The following NDUFAF6 variants were observed in gnomAD, a reference collection of about 807,000 sequenced individuals.
NDUFAF6 encodes NADH dehydrogenase (ubiquinone) complex I, assembly factor 6.
In NDUFAF6, 45 loss-of-function variants were observed where a neutral mutation model predicts 40.8. The observed-to-expected ratio is 1.10, with a 90% CI of 0.87 to 1.42. The LOEUF is 1.42. NDUFAF6 is among the 40% of genes most tolerant of loss of function. The probability of loss-of-function intolerance (pLI) is 0.00; values close to 1 mark genes in which losing one functional copy is unlikely to be tolerated. For missense variants in NDUFAF6, 435 were observed against 418.5 expected (o/e 1.04, Z -0.34); for synonymous variants, 185 against 155.9 (o/e 1.19, Z -1.39).
chr8:94,933,167 G>A (rs1160031700), intron 1 of NDUFAF6, among the ~76,000 whole-genome samples: 1 of 152,208 alleles, frequency 6.6e-6, no homozygotes, highest in Non-Finnish European at 1.5e-5. Flanking sequence ...AGTGAGCCGA[G>A]ATTGCGCCGC....
chr8:94,896,407 G>C (rs1030306685), intron 1 of NDUFAF6: 3 of 152,016 alleles, frequency 2.0e-5, no homozygotes, highest in Admixed American at 2.0e-4. Context: ...TTTAAACTTA[G>C]GGGTCCCTTC....
intron 1 of NDUFAF6, among the ~76,000 whole-genome samples, chr8:94,967,669 G>A (rs1057037943): frequency 6.6e-6 from 1 of 151,932 alleles, no homozygotes; most frequent in Non-Finnish European, 1.5e-5. Flanking sequence ...CCACGGGCGC[G>A]GTGGCTCACG....
exon 10 of NDUFAF6, chr8:95,076,066 G>A: frequency 6.1e-6 from 1 of 163,946 alleles, no homozygotes; most frequent in East Asian, 1.8e-4. Flanking sequence ...TTTTACATGA[G>A]GTCTCAATGG....
intron 2 of NDUFAF6, among the ~76,000 whole-genome samples, chr8:94,995,382 T>G (rs1826379435): frequency 6.6e-6 from 1 of 152,164 alleles, no homozygotes; most frequent in Non-Finnish European, 1.5e-5. Flanking sequence ...ATTCTAAAAA[T>G]CTCTTGCACA....
intron 1 of NDUFAF6, among the ~76,000 whole-genome samples, chr8:94,909,008 G>T (rs1818563195): frequency 1.3e-5 from 2 of 152,126 alleles, no homozygotes; most frequent in South Asian, 4.1e-4. Context: ...ATAAGAATTG[G>T]AAAGTTTATA....
At chr8:94,916,056 G>A (rs1215253035) in intron 1 of NDUFAF6, among the ~76,000 whole-genome samples, 1 of 152,140 alleles carries the variant, frequency 6.6e-6, no homozygotes, top group Admixed American at 6.5e-5. Flanking sequence ...ATGAGTTATG[G>A]TCAGTGCAAT....
chr8:95,106,721 G>A (rs1809852592), downstream of NDUFAF6, among the ~76,000 whole-genome samples: 1 of 152,112 alleles, frequency 6.6e-6, no homozygotes, highest in Non-Finnish European at 1.5e-5. Context: ...GAAAATTTTT[G>A]CAATCTATCC....
At chr8:95,008,009 C>G (rs1474389128) in intron 2 of NDUFAF6, among the ~76,000 whole-genome samples, 1 of 152,168 alleles carries the variant, frequency 6.6e-6, no homozygotes, top group Non-Finnish European at 1.5e-5. Flanking sequence ...CAGGCATGAG[C>G]CACTGCACCC....
intron 9 of NDUFAF6, chr8:95,067,955 T>C (rs2132026393): frequency 6.6e-6 from 1 of 152,062 alleles, no homozygotes; most frequent in Non-Finnish European, 1.5e-5. Flanking sequence ...TCCCACACCC[T>C]TGGGTGGTGT....
In NDUFAF6 at chr8:95,082,792, TG is replaced by T. The variant is rs1808915823; in HGVS notation, n.213+7043del. 3.3e-5 allele frequency among the ~76,000 whole-genome samples: 5 copies of T among 151,850 alleles called. No homozygotes were observed. In the South Asian group the frequency reaches 1.0e-3, roughly 31 times the overall value. On this transcript the variant is annotated intron_variant and non_coding_transcript_variant, in intron 2 of 5. Coordinates refer to the NDUFAF6 transcript ENST00000523184. ...CTCCTGCCTCAGCCTCCCAAGTAGCTGGGACTACAGGCGCCCGCCACTACGC... is the reference window on the plus strand; with the variant it reads ...CTCCTGCCTCAGCCTCCCAAGTAGCTGGACTACAGGCGCCCGCCACTACGC...
intron 1 of NDUFAF6, among the ~76,000 whole-genome samples, chr8:94,976,954 C>A (rs1825000601): frequency 6.6e-6 from 1 of 151,868 alleles, no homozygotes; most frequent in Non-Finnish European, 1.5e-5. Context: ...AGTTTGAGAT[C>A]AGCCTAGGAA....
Position 95,036,168 on chromosome 8 carries a change from T to C in NDUFAF6, c.420+592T>C, listed in dbSNP as rs1271544624. 5.2e-6 allele frequency: 3 copies of C among 575,382 alleles called. No individual in the cohort carries two copies. The African/African-American group carries it at 5.9e-5, about 11-fold the overall frequency. 35.6% of individuals were successfully genotyped at this position (575,382 alleles called of 1,614,324 possible). A position where few individuals can be genotyped will look rare whatever the true frequency, so the allele number is the denominator to read the frequency against. On this transcript the variant is annotated intron_variant, in intron 3 of 8. Coordinates refer to ENST00000396124, the MANE Select transcript of NDUFAF6 (RefSeq NM_152416.4). ...ATAGCTAGATATATACCATAAATGG[T>C]TTTATAGTAAAGCAGCTGTATGGAT...
intron 1 of NDUFAF6, among the ~76,000 whole-genome samples, chr8:94,914,827 C>T (rs1414325082): frequency 7.8e-6 from 1 of 128,656 alleles, no homozygotes; most frequent in East Asian, 2.2e-4. Context: ...GGAGGCGTCT[C>T]AAAAAAAAAA....
At chr8:94,919,399 TTTTC>T (rs749810633) in intron 1 of NDUFAF6, among the ~76,000 whole-genome samples, 71 of 152,308 alleles carry the variant, frequency 4.7e-4, no homozygotes, top group Admixed American at 1.5e-3. Flanking sequence ...CTTGTTTATT[TTTTC>T]TTTATTTTTC....
intron 2 of NDUFAF6, among the ~76,000 whole-genome samples, chr8:95,012,663 T>C (rs887624382): frequency 2.0e-5 from 3 of 151,106 alleles, no homozygotes; most frequent in Admixed American, 1.3e-4. Context: ...AATAAATAAA[T>C]AAATAAACAA....
chr8:95,102,950 C>T lies in NDUFAF6; in HGVS notation n.231-26C>T, dbSNP rs1587278637. 3 of 152,316 alleles carry T rather than the reference C, an allele frequency of 2.0e-5. No individual in the cohort carries two copies. The East Asian group carries it at 5.8e-4, about 29-fold the overall frequency. The allele number at this position is 152,316 out of a possible 1,614,324, so 9.4% of individuals were successfully genotyped here. On this transcript the variant is annotated intron_variant and non_coding_transcript_variant, in intron 2 of 2. Coordinates refer to the NDUFAF6 transcript ENST00000521063. ...CAATAAACTGACAGCCGCACACCAA[C>T]TTTGCTTTCCTTTTTTTCTCTACAG... is the stretch of plus-strand genomic sequence containing the variant.
chr8:94,948,813 G>A (rs1240720937), intron 2 of NDUFAF6, among the ~76,000 whole-genome samples: 6 of 152,198 alleles, frequency 3.9e-5, no homozygotes, highest in African/African-American at 1.2e-4. Context: ...CCGCGGCCAA[G>A]AAAACAAGCC....
chr8:95,000,859 C>A (rs1826696435), intron 2 of NDUFAF6, among the ~76,000 whole-genome samples: 1 of 151,980 alleles, frequency 6.6e-6, no homozygotes, highest in East Asian at 1.9e-4. Flanking sequence ...ATGGCTTGAA[C>A]CCATGAGGCA....
intron 8 of NDUFAF6, among the ~76,000 whole-genome samples, chr8:95,054,436 CTTTTT>C (rs59359540): frequency 7.6e-6 from 1 of 132,184 alleles, no homozygotes; most frequent in Non-Finnish European, 1.6e-5. Context: ...TCAGCTTCTG[CTTTTT>C]TTTTTTTTTT....
Sources: gnomAD v4.1 joint callset for allele counts (sites outside exome capture counted in the v4.1 genomes callset) on GRCh38, gnomAD v4.1.1 for gene constraint, MANE v1.5 for transcripts, NCBI Gene and HGNC (gene_info 2026-07-23, HGNC 2026-07-21) for gene names.